The following DAB1 variants were observed in gnomAD, a reference collection of about 807,000 sequenced individuals.
The protein encoded by DAB1 is DAB adaptor protein 1, also known as disabled homolog 1.
A neutral mutation model predicts 64.6 loss-of-function variants in DAB1; 15 were observed. The ratio of observed to expected loss-of-function variants is 0.23; its 90% confidence interval spans 0.16 to 0.36. DAB1 has a LOEUF of 0.36. Ranked by LOEUF, DAB1 falls within the 10% of genes least tolerant of loss-of-function variation. DAB1 has a pLI of 1.00. For synonymous variants in DAB1, 235 were observed against 251.9 expected, an observed-to-expected ratio of 0.93 and a Z score of 0.64; for missense variants, 596 against 706.7, an observed-to-expected ratio of 0.84 and a Z score of 1.78.
intron 7 of DAB1, among the ~76,000 whole-genome samples, chr1:57,553,440 AAG>A (rs201313221): frequency 0.1 from 672 of 6,734 alleles, 65 homozygotes; most frequent in East Asian, 0.24. Context: ...GAAAGAAAGA[AAG>A]AGAAAGAAAG....
At chr1:58,269,948 G>A (rs200111075) in intron 4 of DAB1, among the ~76,000 whole-genome samples, 1,945 of 9,966 alleles carry the variant, frequency 0.2, 233 homozygotes, top group East Asian at 0.56. Context: ...AGTAGGTTGC[G>A]AAAATTTTCT....
At chr1:57,113,258 C>T (rs773055532) in intron 4 of DAB1, among the ~76,000 whole-genome samples, 9 of 152,196 alleles carry the variant, frequency 5.9e-5, no homozygotes, top group Non-Finnish European at 1.3e-4. Flanking sequence ...TACTGATAGG[C>T]TACCCCACTA....
At chr1:57,441,607 GC>G (rs1685964866) in intron 7 of DAB1, among the ~76,000 whole-genome samples, 1 of 152,050 alleles carries the variant, frequency 6.6e-6, no homozygotes, top group Admixed American at 6.6e-5. Context: ...GCCTGCCACA[GC>G]CTCCCAAAGT....
At chr1:58,242,011 T>C (rs1660319116) in intron 4 of DAB1, among the ~76,000 whole-genome samples, 1 of 152,064 alleles carries the variant, frequency 6.6e-6, no homozygotes, top group Admixed American at 6.6e-5. Flanking sequence ...AAATGATAAA[T>C]GTTCAAGGAT....
chr1:57,970,311 G>A (rs1161831212), intron 5 of DAB1, among the ~76,000 whole-genome samples: 1 of 152,100 alleles, frequency 6.6e-6, no homozygotes, highest in Non-Finnish European at 1.5e-5. Flanking sequence ...TTGGCTTCAG[G>A]AGCAGCCAAA....
intron 4 of DAB1, among the ~76,000 whole-genome samples, chr1:57,105,552 G>A (rs1409188272): frequency 2.0e-5 from 3 of 152,130 alleles, no homozygotes; most frequent in South Asian, 2.1e-4. Context: ...AAGTTCTACC[G>A]TGAGCCATTC....
chr1:57,238,808 CACAT>C (rs988546658), intron 2 of DAB1, among the ~76,000 whole-genome samples: 1 of 151,554 alleles, frequency 6.6e-6, no homozygotes, highest in African/African-American at 2.4e-5. Context: ...AAATAATACA[CACAT>C]ACACACACTG....
intron 4 of DAB1, among the ~76,000 whole-genome samples, chr1:58,201,102 C>G (rs574531527): frequency 3.7e-4 from 56 of 150,646 alleles, no homozygotes; most frequent in Admixed American, 2.5e-3. Context: ...CTGCAAGCTC[C>G]GCCTCCCAGG....
At chr1:58,105,450 G>A (rs1651576162) in intron 5 of DAB1, among the ~76,000 whole-genome samples, 1 of 152,124 alleles carries the variant, frequency 6.6e-6, no homozygotes, top group African/African-American at 2.4e-5. Context: ...TACTGCTGAC[G>A]AGAGACGCCA....
chr1:58,527,527 T>TA (rs953517736), intron 1 of DAB1, among the ~76,000 whole-genome samples: 2 of 152,166 alleles, frequency 1.3e-5, no homozygotes, highest in African/African-American at 4.8e-5. Flanking sequence ...AGAAATACTT[T>TA]AAAAAATGAT....
At chr1:57,663,806 A>T (rs1380423214) in intron 6 of DAB1, among the ~76,000 whole-genome samples, 1 of 152,204 alleles carries the variant, frequency 6.6e-6, no homozygotes, top group African/African-American at 2.4e-5. Flanking sequence ...GAACAATTTT[A>T]AAATGGCCTA....
At chr1:58,387,481 T>C (rs1053837978) in intron 3 of DAB1, among the ~76,000 whole-genome samples, 1 of 152,102 alleles carries the variant, frequency 6.6e-6, no homozygotes, top group African/African-American at 2.4e-5. Flanking sequence ...CAAGACAAAG[T>C]TCCTCTGAGC....
intron 4 of DAB1, chr1:58,150,683 A>G (rs932091848): frequency 2.0e-5 from 3 of 151,300 alleles, no homozygotes; most frequent in African/African-American, 7.3e-5. Context: ...TAATAAGACC[A>G]TAGTTTTTTG....
At chr1:58,532,678 C>T (rs1646453306) in intron 1 of DAB1, among the ~76,000 whole-genome samples, 4 of 152,080 alleles carry the variant, frequency 2.6e-5, no homozygotes, top group Admixed American at 6.5e-5. Flanking sequence ...CAGGTGTGAG[C>T]CACCATGCTC....
intron 6 of DAB1, among the ~76,000 whole-genome samples, chr1:57,800,668 C>T (rs914318043): frequency 3.3e-5 from 5 of 152,178 alleles, no homozygotes; most frequent in Non-Finnish European, 7.3e-5. Context: ...GGAAGAAATA[C>T]ATCACATCGC....
intron 3 of DAB1, among the ~76,000 whole-genome samples, chr1:58,427,396 T>C (rs1644832088): frequency 6.6e-6 from 1 of 152,284 alleles, no homozygotes; most frequent in Non-Finnish European, 1.5e-5. Context: ...ATGGCTTTAT[T>C]TGAACAGCAC....
intron 6 of DAB1, among the ~76,000 whole-genome samples, chr1:57,779,410 A>G (rs1649963000): frequency 6.6e-6 from 1 of 152,100 alleles, no homozygotes; most frequent in Non-Finnish European, 1.5e-5. Context: ...ACCAATTCTC[A>G]AGAGCTGCAG....
intron 6 of DAB1, among the ~76,000 whole-genome samples, chr1:57,816,769 T>A (rs1474585429): frequency 2.0e-5 from 3 of 152,208 alleles, no homozygotes; most frequent in Non-Finnish European, 4.4e-5. Context: ...CACTCCTACG[T>A]CTGGCCTACC....
chr1:57,810,361 G>T (rs1387170872), intron 6 of DAB1, among the ~76,000 whole-genome samples: 1 of 152,132 alleles, frequency 6.6e-6, no homozygotes, highest in Non-Finnish European at 1.5e-5. Context: ...CTATAGAGGG[G>T]ACACAGGAGC....
Sources: allele counts gnomAD v4.1 joint callset (sites outside exome capture counted in the v4.1 genomes callset), GRCh38; gene constraint gnomAD v4.1.1; transcripts MANE v1.5; gene names NCBI Gene and HGNC (gene_info 2026-07-23, HGNC 2026-07-21).